CNTNAP2: variants seen among roughly 807,000 people sequenced by gnomAD.
The protein encoded by CNTNAP2 is contactin associated protein 2, also known as contactin-associated protein-like 2.
A neutral mutation model predicts 155.2 loss-of-function variants in CNTNAP2; 98 were observed. The ratio of observed to expected loss-of-function variants is 0.63; its 90% CI spans 0.54 to 0.75. The LOEUF is 0.75. Among genes scored for constraint, CNTNAP2 ranks in the 30% least tolerant of loss-of-function variants. CNTNAP2 has a pLI of 0.00. For missense variants in CNTNAP2, 1,727 were observed against 1,688.1 expected (o/e 1.02, Z -0.40); for synonymous variants, 651 against 631.2 (o/e 1.03, Z -0.47).
chr7:146,201,205 GA>G (rs974158816), intron 1 of CNTNAP2, among the ~76,000 whole-genome samples: 254 of 151,676 alleles, frequency 1.7e-3, no homozygotes, highest in African/African-American at 5.4e-3. Flanking sequence ...TTAATGAAAA[GA>G]AAAAAAAGCT....
intron 8 of CNTNAP2, among the ~76,000 whole-genome samples, chr7:147,231,351 T>C (rs1803677576): frequency 6.6e-6 from 1 of 152,248 alleles, no homozygotes; most frequent in East Asian, 1.9e-4. Context: ...TTAGGTTGTT[T>C]CTATTACATA....
rs56886106 is a variant in CNTNAP2 at position 146,380,784 on chromosome 7, C to CTTTT, written c.97+263841_97+263844dup. On this transcript the variant is annotated intron_variant, in intron 1 of 23. Transcript: ENST00000361727. ...ATATTTCTTGCTTCTTATGCACGTT[C>CTTTT]TTTTTTTTTTTTTTTTTTTTTTTTT... is the stretch of plus-strand genomic sequence containing the variant. Among the ~76,000 whole-genome samples the CTTTT allele has an allele frequency of 7.6e-3, 294 of 38,840 alleles. 33 individuals are homozygous for CTTTT. The highest frequency in any genetic ancestry group is 0.016 in the African/African-American group (204 of 12,750). 25.5% of individuals were successfully genotyped at this position (38,840 alleles called of 152,430 possible).
At chr7:147,875,242 A>G (rs1799403434) in intron 13 of CNTNAP2, among the ~76,000 whole-genome samples, 1 of 152,176 alleles carries the variant, frequency 6.6e-6, no homozygotes, top group Admixed American at 6.5e-5. Flanking sequence ...GGTAATTTAT[A>G]AAGGAAAGAG....
chr7:147,598,574 C>T (rs543595949), intron 12 of CNTNAP2, among the ~76,000 whole-genome samples: 22 of 152,206 alleles, frequency 1.4e-4, no homozygotes, highest in African/African-American at 5.1e-4. Context: ...ATTCAGCATC[C>T]TCATTTGTAA....
intron 1 of CNTNAP2, among the ~76,000 whole-genome samples, chr7:146,310,205 C>T (rs1166535448): frequency 3.9e-5 from 6 of 152,114 alleles, no homozygotes; most frequent in Non-Finnish European, 1.5e-5. Context: ...CTTTGGTACA[C>T]GGTCTGCATA....
chr7:147,812,357 T>G (rs1172912131), intron 13 of CNTNAP2, among the ~76,000 whole-genome samples: 1 of 152,122 alleles, frequency 6.6e-6, no homozygotes, highest in Non-Finnish European at 1.5e-5. Flanking sequence ...TTTGGTTTGT[T>G]AAAATAACAT....
intron 14 of CNTNAP2, among the ~76,000 whole-genome samples, chr7:147,943,674 C>T (rs1800766483): frequency 7.1e-6 from 1 of 141,316 alleles, no homozygotes; most frequent in Admixed American, 7.8e-5. Flanking sequence ...GAGGCTGAGC[C>T]AGGAGAATCG....
chr7:148,152,976 G>A (rs888288914), intron 17 of CNTNAP2, among the ~76,000 whole-genome samples: 17 of 134,042 alleles, frequency 1.3e-4, no homozygotes, highest in Middle Eastern at 9.4e-3. Flanking sequence ...AGCCGAGATC[G>A]CGCCACTGCA....
At chr7:146,157,907 T>A (rs1394051190) in intron 1 of CNTNAP2, among the ~76,000 whole-genome samples, 1 of 152,162 alleles carries the variant, frequency 6.6e-6, no homozygotes, top group East Asian at 1.9e-4. Flanking sequence ...AGCATGGAGT[T>A]TGAGATCTGA....
chr7:146,544,806 A>AT (rs1363159476), intron 1 of CNTNAP2, among the ~76,000 whole-genome samples: 1 of 151,896 alleles, frequency 6.6e-6, no homozygotes, highest in African/African-American at 2.4e-5. Flanking sequence ...GCTAAGGAAG[A>AT]TTGCAAACCA....
intron 21 of CNTNAP2, among the ~76,000 whole-genome samples, chr7:148,267,780 C>A (rs1297018826): frequency 6.6e-6 from 1 of 152,022 alleles, no homozygotes; most frequent in Non-Finnish European, 1.5e-5. Flanking sequence ...ACAACCCAAG[C>A]GAAGGCAAAT....
chr7:146,399,005 A>G (rs1418760201), intron 1 of CNTNAP2, among the ~76,000 whole-genome samples: 1 of 148,716 alleles, frequency 6.7e-6, no homozygotes, highest in Non-Finnish European at 1.5e-5. Flanking sequence ...GTTTTTACTC[A>G]TTTGTTTGCT....
chr7:147,238,414 C>CAA lies in CNTNAP2; in HGVS notation c.1349-61726_1349-61725insAA, dbSNP rs1347820427. Among the ~76,000 whole-genome samples the CAA allele has an allele frequency of 7.2e-5, 11 of 152,122 alleles. No homozygotes were observed. The East Asian group carries it at 1.7e-3, about 24-fold the overall frequency. ...AAATATGTGTGCAGACACACACACA[C>CAA]ACACACACACACAGATTTTATCTGG... is the stretch of plus-strand genomic sequence containing the variant. On this transcript the variant is annotated intron_variant, in intron 8 of 23. Transcript: ENST00000361727.
chr7:147,952,216 G>C lies in CNTNAP2; in HGVS notation c.2256-25646G>C, dbSNP rs189493067. ...CCAGCACTTTGGGAGGCTGAGGCGG[G>C]TGGATCACCTGAGGTTGGGAGTTTG... On this transcript the variant is annotated intron_variant, in intron 14 of 23. Transcript: ENST00000361727. Among the ~76,000 whole-genome samples, 74 of 113,932 alleles carry C rather than the reference G, an allele frequency of 6.5e-4. 7 individuals carry two copies. The Middle Eastern group carries it at 0.013, about 20-fold the overall frequency. The allele number at this position is 113,932 out of a possible 152,430, so 74.7% of individuals were successfully genotyped here.
At chr7:146,302,203 A>T (rs1197173200) in intron 1 of CNTNAP2, among the ~76,000 whole-genome samples, 2 of 152,198 alleles carry the variant, frequency 1.3e-5, no homozygotes, top group East Asian at 3.8e-4. Flanking sequence ...TGAAAGATTT[A>T]AAAATTTAAA....
intron 4 of CNTNAP2, among the ~76,000 whole-genome samples, chr7:147,101,360 AG>A (rs1800648867): frequency 6.6e-6 from 1 of 152,174 alleles, no homozygotes; most frequent in Non-Finnish European, 1.5e-5. Context: ...TTCTCGCTCA[AG>A]CCCCTTTTGG....
intron 12 of CNTNAP2, among the ~76,000 whole-genome samples, chr7:147,617,168 T>G (rs1801309599): frequency 6.6e-6 from 1 of 152,196 alleles, no homozygotes; most frequent in Non-Finnish European, 1.5e-5. Context: ...ACATCCCCAT[T>G]CATCTGTCAT....
At chr7:147,145,163 C>A (rs1032041471) in intron 8 of CNTNAP2, among the ~76,000 whole-genome samples, 2 of 152,116 alleles carry the variant, frequency 1.3e-5, no homozygotes, top group African/African-American at 4.8e-5. Context: ...CAATTCCTAC[C>A]ATTTCTAATT....
chr7:146,669,630 AGATACCT>A (rs1800261545), intron 1 of CNTNAP2, among the ~76,000 whole-genome samples: 1 of 152,170 alleles, frequency 6.6e-6, no homozygotes, highest in Admixed American at 6.5e-5. Context: ...AACATCCCGT[AGATACCT>A]AAAGGACTCC....
Sources: gnomAD v4.1 joint callset for allele counts (sites outside exome capture counted in the v4.1 genomes callset) on GRCh38, gnomAD v4.1.1 for gene constraint, MANE v1.5 for transcripts, NCBI Gene and HGNC (gene_info 2026-07-23, HGNC 2026-07-21) for gene names.